The following USP25 variants were observed in gnomAD, a reference collection of about 807,000 sequenced individuals.
The protein encoded by USP25 is ubiquitin specific peptidase 25.
USP25 carries 85 observed loss-of-function variants against 158.5 expected under a neutral mutation model. The ratio of observed to expected loss-of-function variants is 0.54; its 90% CI spans 0.45 to 0.64. USP25 has a LOEUF of 0.64. Ranked by LOEUF, USP25 falls within the 30% of genes least tolerant of loss-of-function variation. USP25 has a pLI of 0.00. For missense variants in USP25, 1,242 were observed against 1,327.3 expected (o/e 0.94, Z 1.00); for synonymous variants, 464 against 460.4 (o/e 1.01, Z -0.10).
intron 4 of USP25, among the ~76,000 whole-genome samples, chr21:15,781,888 C>T (rs1362094248): frequency 2.6e-5 from 4 of 152,190 alleles, no homozygotes; most frequent in Non-Finnish European, 4.4e-5. Flanking sequence ...ACCTCTTTGA[C>T]ACCCTGCACC....
At chr21:15,802,816 C>A (rs1287386560) in intron 6 of USP25, among the ~76,000 whole-genome samples, 1 of 151,626 alleles carries the variant, frequency 6.6e-6, no homozygotes, top group African/African-American at 2.4e-5. Context: ...TAGCAGAAAT[C>A]TGTGAACCAA....
chr21:15,807,115 A>G (rs1488731763), intron 7 of USP25, among the ~76,000 whole-genome samples: 1 of 151,890 alleles, frequency 6.6e-6, no homozygotes. Context: ...TTTTATAGAG[A>G]CAGGATCTCC....
intron 1 of USP25, 70 bp downstream of exon 1, chr21:15,730,508 G>A: frequency 7.8e-7 from 1 of 1,288,846 alleles, no homozygotes; most frequent in South Asian, 2.2e-5. Flanking sequence ...CGCTGCGGCC[G>A]GGCGCCCCGG....
chr21:15,784,905 A>T (rs79092577), intron 4 of USP25, among the ~76,000 whole-genome samples: 264 of 152,224 alleles, frequency 1.7e-3, no homozygotes, highest in African/African-American at 6.2e-3. Flanking sequence ...ATTACTTATC[A>T]GTAGTAACCT....
intron 1 of USP25, among the ~76,000 whole-genome samples, chr21:15,752,098 T>C (rs1339594639): frequency 1.3e-5 from 2 of 152,020 alleles, no homozygotes; most frequent in Non-Finnish European, 2.9e-5. Flanking sequence ...CACGCCTGGC[T>C]AATTTTGTAT....
chr21:15,868,693 C>T (rs2039759545), intron 22 of USP25, among the ~76,000 whole-genome samples: 1 of 152,132 alleles, frequency 6.6e-6, no homozygotes, highest in South Asian at 2.1e-4. Flanking sequence ...CATTTGTATA[C>T]ATATTGTCTG....
intron 21 of USP25, among the ~76,000 whole-genome samples, chr21:15,865,995 C>A (rs1686155365): frequency 6.6e-6 from 1 of 151,978 alleles, no homozygotes; most frequent in African/African-American, 2.4e-5. Context: ...TTTTCCTATG[C>A]AAACTGTGTT....
rs150260608 is a variant in USP25 at position 15,845,883 on chromosome 21, A to G, written c.2338-1780A>G. The stretch of plus-strand genomic sequence containing the variant: ...CACATCTCTGTAGAATGTGTGTGAT[A>G]GTAGTATTAGGTTAAAATTATTCAA... On this transcript the variant is annotated intron_variant, in intron 18 of 25. Coordinates refer to ENST00000400183, the MANE Select transcript of USP25 (RefSeq NM_001283041.3). Among the ~76,000 whole-genome samples the G allele has an allele frequency of 6.6e-4, 100 of 152,044 alleles. 1 individual carries two copies. Among genetic ancestry groups the G allele is most frequent in the African/African-American group, 1.9e-3 (80 of 41,514 alleles).
At chr21:15,775,226 A>T (rs1228235386) in intron 3 of USP25, among the ~76,000 whole-genome samples, 1 of 152,214 alleles carries the variant, frequency 6.6e-6, no homozygotes, top group Non-Finnish European at 1.5e-5. Flanking sequence ...AATTAGGAAA[A>T]GCTGTAAGTG....
chr21:15,874,944 A>T (rs949294631), intron 24 of USP25, among the ~76,000 whole-genome samples: 1 of 152,146 alleles, frequency 6.6e-6, no homozygotes, highest in Non-Finnish European at 1.5e-5. Context: ...AGGCTGGTGG[A>T]TCACAAAGTC....
intron 20 of USP25, among the ~76,000 whole-genome samples, chr21:15,862,380 C>T (rs1411955634): frequency 6.6e-6 from 1 of 151,866 alleles, no homozygotes; most frequent in Non-Finnish European, 1.5e-5. Flanking sequence ...ATTCCAAAAT[C>T]TGAAAAAAAT....
At chr21:15,788,730 A>G (rs927116114) in intron 4 of USP25, among the ~76,000 whole-genome samples, 4 of 152,036 alleles carry the variant, frequency 2.6e-5, no homozygotes, top group Admixed American at 2.0e-4. Flanking sequence ...CCACAATTCT[A>G]CCATGTGGTA....
chr21:15,849,378 C>T (rs1220569278), intron 19 of USP25, among the ~76,000 whole-genome samples: 1 of 152,072 alleles, frequency 6.6e-6, no homozygotes, highest in Non-Finnish European at 1.5e-5. Flanking sequence ...AGACAAGGGG[C>T]AGAAGTGGGA....
At chr21:15,842,580 T>C (rs1317935239) in intron 18 of USP25, 40 bp downstream of exon 18, 2 of 1,605,018 alleles carry the variant, frequency 1.2e-6, no homozygotes, top group Admixed American at 3.4e-5. Context: ...ATAGCCATGG[T>C]CACGACATTT....
At chr21:15,809,104 C>T (rs2036532892) in intron 8 of USP25, among the ~76,000 whole-genome samples, 1 of 152,068 alleles carries the variant, frequency 6.6e-6, no homozygotes, top group South Asian at 2.1e-4. Context: ...ATGCCCAGTT[C>T]CTTTTCTTAG....
intron 20 of USP25, among the ~76,000 whole-genome samples, chr21:15,857,349 T>C (rs770210213): frequency 9.2e-5 from 14 of 152,188 alleles, no homozygotes; most frequent in Non-Finnish European, 1.6e-4. Context: ...TGCGTGAACA[T>C]AGCAGAGTTG....
intron 10 of USP25, among the ~76,000 whole-genome samples, chr21:15,823,075 G>A (rs572567000): frequency 6.6e-6 from 1 of 151,850 alleles, no homozygotes; most frequent in East Asian, 1.9e-4. Context: ...ATTTAAATTT[G>A]GTATATTCTT....
intron 21 of USP25, among the ~76,000 whole-genome samples, chr21:15,865,050 A>G (rs1469690883): frequency 3.3e-5 from 5 of 152,208 alleles, no homozygotes; most frequent in African/African-American, 7.2e-5. Context: ...AAAATATTCT[A>G]TAGAAATTTC....
intron 18 of USP25, among the ~76,000 whole-genome samples, chr21:15,846,576 T>G (rs1339101945): frequency 6.6e-6 from 1 of 152,160 alleles, no homozygotes; most frequent in Non-Finnish European, 1.5e-5. Context: ...CCAGGAAATG[T>G]TCACATTGCT....
Sources: allele counts gnomAD v4.1 joint callset (sites outside exome capture counted in the v4.1 genomes callset), GRCh38; gene constraint gnomAD v4.1.1; transcripts MANE v1.5; gene names NCBI Gene and HGNC (gene_info 2026-07-23, HGNC 2026-07-21).